The following MAML2 variants were observed in gnomAD, a reference collection of about 807,000 sequenced individuals.
MAML2 encodes mastermind like transcriptional coactivator 2, also known as mastermind-like protein 2.
Under a neutral mutation model 96.1 loss-of-function variants are expected in MAML2, and 22 were observed. The ratio of observed to expected loss-of-function variants is 0.23; its 90% CI spans 0.16 to 0.33. The LOEUF is 0.33. Among genes scored for constraint, MAML2 ranks in the 10% least tolerant of loss-of-function variants. The pLI is 1.00. For missense variants in MAML2, 1,367 were observed against 1,392.4 expected, an observed-to-expected ratio of 0.98 and a Z score of 0.29; for synonymous variants, 561 against 521.3, an observed-to-expected ratio of 1.08 and a Z score of -1.04.
chr11:96,244,761 C>G (rs542045067), intron 1 of MAML2, among the ~76,000 whole-genome samples: 130 of 152,256 alleles, frequency 8.5e-4, no homozygotes, highest in Non-Finnish European at 3.5e-4. Context: ...CACCTGGACT[C>G]TCAGAGCAAT....
At chr11:96,121,022 C>T (rs1216492943) in intron 1 of MAML2, among the ~76,000 whole-genome samples, 2 of 152,162 alleles carry the variant, frequency 1.3e-5, no homozygotes, top group East Asian at 1.9e-4. Flanking sequence ...GCAACAGTCC[C>T]TTGGGAGGTA....
intron 1 of MAML2, among the ~76,000 whole-genome samples, chr11:96,171,322 G>A (rs531404030): frequency 1.1e-4 from 16 of 152,208 alleles, no homozygotes; most frequent in African/African-American, 2.2e-4. Flanking sequence ...AAGACCGGGC[G>A]CGTTCTTCTC....
intron 1 of MAML2, among the ~76,000 whole-genome samples, chr11:96,308,830 A>G (rs534743202): frequency 3.3e-4 from 50 of 152,314 alleles, no homozygotes; most frequent in African/African-American, 1.1e-3. Flanking sequence ...CATGTAGCTA[A>G]CCTCATGTCT....
At chr11:96,236,292 G>A (rs778341017) in intron 1 of MAML2, among the ~76,000 whole-genome samples, 23 of 152,086 alleles carry the variant, frequency 1.5e-4, no homozygotes, top group Non-Finnish European at 2.6e-4. Flanking sequence ...AGAATCTTTT[G>A]CAATTGCTAC....
chr11:95,982,870 T>C (rs2135701584), intron 4 of MAML2, among the ~76,000 whole-genome samples: 1 of 152,298 alleles, frequency 6.6e-6, no homozygotes, highest in South Asian at 2.1e-4. Flanking sequence ...AATTATTAAA[T>C]GCATTCGCTC....
chr11:96,002,752 T>C (rs929456300), intron 2 of MAML2, among the ~76,000 whole-genome samples: 7 of 135,396 alleles, frequency 5.2e-5, no homozygotes, highest in Non-Finnish European at 1.1e-4. Flanking sequence ...ATCGGGATGA[T>C]GAGGAGGATG....
At chr11:96,057,285 GA>G (rs1859085069) in intron 2 of MAML2, among the ~76,000 whole-genome samples, 1 of 152,062 alleles carries the variant, frequency 6.6e-6, no homozygotes, top group African/African-American at 2.4e-5. Context: ...TCCTGATTTG[GA>G]GTTGATATCC....
chr11:96,033,686 A>G (rs1183448017), intron 2 of MAML2, among the ~76,000 whole-genome samples: 1 of 152,216 alleles, frequency 6.6e-6, no homozygotes, highest in East Asian at 1.9e-4. Context: ...GAGAGAGCAC[A>G]TGGAAGAGGA....
At chr11:96,222,180 C>T (rs1259587947) in intron 1 of MAML2, among the ~76,000 whole-genome samples, 1 of 152,178 alleles carries the variant, frequency 6.6e-6, no homozygotes, top group Non-Finnish European at 1.5e-5. Context: ...AGACTGGAGG[C>T]TTACAAATGC....
rs1862884069 is a variant in MAML2 at position 96,269,566 on chromosome 11, C to T, written c.513+71817G>A. On this transcript the variant is annotated intron_variant, in intron 1 of 4. Coordinates refer to ENST00000524717, the MANE Select transcript of MAML2 (RefSeq NM_032427.4). ...TTGCTCTGTTGCCCAGCCCAGAGTG[C>T]AGTGGCACAATCTCAGCTCACCGCA... 1.4e-5 allele frequency among the ~76,000 whole-genome samples: 2 copies of T among 144,332 alleles called. 1 individual carries two copies. The highest frequency in any genetic ancestry group is 3.0e-5 in the Non-Finnish European group (2 of 66,746). The allele number at this position is 144,332 out of a possible 152,430, so 94.7% of individuals were successfully genotyped here. A position where few individuals can be genotyped will look rare whatever the true frequency, so the allele number is the denominator to read the frequency against.
intron 2 of MAML2, among the ~76,000 whole-genome samples, chr11:96,073,646 A>G (rs1859384675): frequency 6.6e-6 from 1 of 152,178 alleles, no homozygotes. Flanking sequence ...ATGACGATTT[A>G]ATGGAGTGAA....
chr11:96,328,792 T>C (rs899625264), intron 1 of MAML2, among the ~76,000 whole-genome samples: 3 of 152,076 alleles, frequency 2.0e-5, no homozygotes, highest in Non-Finnish European at 4.4e-5. Context: ...CCTTGGGAAA[T>C]AGGTGATTAT....
At position 96,112,163 on chromosome 11, in the gene MAML2, G is replaced by C. The variant is rs1860139452; in HGVS notation, c.514-18646C>G. On this transcript the variant is annotated intron_variant, in intron 1 of 4. Transcript: ENST00000524717. ...GAAGCATCAGTGGATGCTTCCATCG[G>C]ATAGGGCACTCTATACATAACACAG... 2.0e-5 allele frequency among the ~76,000 whole-genome samples: 3 copies of C among 152,318 alleles called. No individual in the cohort carries two copies. In the South Asian group the frequency reaches 6.2e-4, roughly 32 times the overall value.
chr11:96,120,900 C>G (rs10741528), intron 1 of MAML2, among the ~76,000 whole-genome samples: 140,515 of 152,010 alleles, frequency 0.92, 64,985 homozygotes, highest in East Asian at 0.97. Context: ...TACAAAGATC[C>G]TCATGTTTCC....
chr11:96,251,888 C>T (rs568525599), intron 1 of MAML2, among the ~76,000 whole-genome samples: 65 of 152,068 alleles, frequency 4.3e-4, no homozygotes, highest in African/African-American at 1.6e-3. Context: ...CCGGCCACCA[C>T]GCACAGCTAA....
chr11:96,003,120 T>G (rs866469576), intron 2 of MAML2, among the ~76,000 whole-genome samples: 42 of 136,684 alleles, frequency 3.1e-4, no homozygotes, highest in Admixed American at 2.0e-3. Context: ...ATGATGAAGA[T>G]GATTATGGGG....
intron 2 of MAML2, among the ~76,000 whole-genome samples, chr11:96,058,095 C>T (rs1392197061): frequency 2.0e-5 from 3 of 152,206 alleles, no homozygotes; most frequent in Admixed American, 1.3e-4. Flanking sequence ...AGAGTATCCA[C>T]ATGGTTTTAA....
intron 1 of MAML2, among the ~76,000 whole-genome samples, chr11:96,134,553 C>T (rs1039016317): frequency 3.9e-5 from 6 of 152,172 alleles, no homozygotes; most frequent in African/African-American, 1.4e-4. Context: ...AAATACTATA[C>T]TGAAATAAAA....
intron 1 of MAML2, among the ~76,000 whole-genome samples, chr11:96,340,204 T>A (rs1863973613): frequency 6.6e-6 from 1 of 152,234 alleles, no homozygotes; most frequent in Non-Finnish European, 1.5e-5. Flanking sequence ...GAGAGCTCAA[T>A]ATCAAGCTCC....
Sources: allele counts gnomAD v4.1 joint callset (sites outside exome capture counted in the v4.1 genomes callset), GRCh38; gene constraint gnomAD v4.1.1; transcripts MANE v1.5; gene names NCBI Gene and HGNC (gene_info 2026-07-23, HGNC 2026-07-21).